HIF1A: variants seen among roughly 807,000 people sequenced by gnomAD.
The protein encoded by HIF1A is hypoxia-inducible factor 1-alpha.
In HIF1A, 24 loss-of-function variants were observed where a neutral mutation model predicts 92.7. The observed-to-expected ratio is 0.26, with a 90% CI of 0.19 to 0.36. The LOEUF (loss-of-function observed/expected upper bound fraction) is 0.36, where lower values mean the gene tolerates loss of function less well. Ranked by LOEUF, HIF1A falls within the 10% of genes least tolerant of loss-of-function variation. The probability of loss-of-function intolerance (pLI) is 1.00; values close to 1 mark genes in which losing one functional copy is unlikely to be tolerated. For synonymous variants in HIF1A, 319 were observed against 338.7 expected, an observed-to-expected ratio of 0.94 and a Z score of 0.64; for missense variants, 799 against 998.5, an observed-to-expected ratio of 0.80 and a Z score of 2.69.
chr14:61,697,855 G>A, intron 1 of HIF1A: 1 of 1,510,474 alleles, frequency 6.6e-7, no homozygotes, highest in South Asian at 1.3e-5. Context: ...TTTTAAATGA[G>A]CTCCCAATGT....
chr14:61,727,585 A>C lies in HIF1A; in HGVS notation c.703A>C (p.Ile235Leu). Reference sequence around the variant, plus strand: ...CATTCCTCACCCATCAAATATTGAAATTCCTTTAGATAGCAAGACTTTCCT... The same window carrying C: ...CATTCCTCACCCATCAAATATTGAACTTCCTTTAGATAGCAAGACTTTCCT... ...EPIPHPSNIEIPLDSKTFLSR... is the reference protein window; with the variant it reads ...EPIPHPSNIELPLDSKTFLSR... The change falls in exon 6 of 15, where the codon ATT becomes CTT. Residue 235 changes from isoleucine (I) to leucine (L), a missense_variant. Ile to Leu is a conservative substitution (Grantham distance 5). Around this residue, in one of 2 missense-constraint regions of HIF1A, gnomAD observed 516 missense variants for 721.0 expected, o/e 0.72. Coordinates refer to ENST00000337138, the MANE Select transcript of HIF1A (RefSeq NM_001530.4). 6.2e-7 allele frequency: 1 copy of C among 1,613,926 alleles called. No individual in the cohort carries two copies. The highest frequency in any genetic ancestry group is 8.5e-7 in the Non-Finnish European group (1 of 1,179,818).
intron 10 of HIF1A, among the ~76,000 whole-genome samples, chr14:61,738,826 T>A (rs1202142299): frequency 6.6e-6 from 1 of 152,098 alleles, no homozygotes; most frequent in Non-Finnish European, 1.5e-5. Context: ...AGCCTCAACC[T>A]CCCAGGCTCA....
chr14:61,746,561 A>G (rs1011490631), intron 14 of HIF1A, among the ~76,000 whole-genome samples: 1 of 150,870 alleles, frequency 6.6e-6, no homozygotes, highest in Non-Finnish European at 1.5e-5. Context: ...GCCTCACCAC[A>G]CCCGGTTGCT....
intron 6 of HIF1A, among the ~76,000 whole-genome samples, chr14:61,730,465 T>C (rs1164043153): frequency 3.3e-5 from 5 of 152,210 alleles, no homozygotes; most frequent in African/African-American, 1.2e-4. Flanking sequence ...TACCTACTTC[T>C]TCAGCATCAT....
chr14:61,710,764 T>A (rs1054749381), intron 1 of HIF1A, among the ~76,000 whole-genome samples: 2 of 151,816 alleles, frequency 1.3e-5, no homozygotes, highest in Non-Finnish European at 2.9e-5. Flanking sequence ...TAACCCTCCT[T>A]AAAAAAACAA....
intron 4 of HIF1A, among the ~76,000 whole-genome samples, chr14:61,725,288 C>T (rs893291754): frequency 6.6e-6 from 1 of 152,134 alleles, no homozygotes; most frequent in Non-Finnish European, 1.5e-5. Flanking sequence ...GGAAAGGTGG[C>T]GTATCTTACT....
At position 61,734,231 on chromosome 14, in the gene HIF1A, A is replaced by G. The variant is rs764016802; in HGVS notation, c.974A>G (p.Tyr325Cys). The G allele has an allele frequency of 4.3e-6, 7 of 1,613,108 alleles. No individual in the cohort carries two copies. Among genetic ancestry groups the G allele is most frequent in the East Asian group, 2.2e-5 (1 of 44,868 alleles). Residue 325 changes from tyrosine (Y) to cysteine (C), a missense_variant, in exon 8 of 15, where the codon TAT becomes TGT. Coordinates refer to ENST00000337138, the MANE Select transcript of HIF1A (RefSeq NM_001530.4). ...VWVETQATVI[Y>C]NTKNSQPQCI... ...GTTGAAACTCAAGCAACTGTCATAT[A>G]TAACACCAAGAATTCTCAACCACAG... is the stretch of plus-strand genomic sequence containing the variant.
Position 61,737,856 on chromosome 14 carries a change from G to A in HIF1A, c.1250-231G>A, listed in dbSNP as rs1293159493. ...AGCCTGGCCACCATGGTGAAACCCCGTCTCTACCAAAAATACAAAAGTTAG... is the reference window on the plus strand; with the variant it reads ...AGCCTGGCCACCATGGTGAAACCCCATCTCTACCAAAAATACAAAAGTTAG... On this transcript the variant is annotated intron_variant, in intron 9 of 14. Transcript: ENST00000337138. Among the ~76,000 whole-genome samples the A allele has an allele frequency of 7.9e-5, 12 of 151,950 alleles. No homozygotes were observed. In the South Asian group the frequency reaches 1.7e-3, roughly 21 times the overall value.
At chr14:61,710,211 C>T (rs1239768228) in intron 1 of HIF1A, among the ~76,000 whole-genome samples, 1 of 152,018 alleles carries the variant, frequency 6.6e-6, no homozygotes, top group Admixed American at 6.6e-5. Flanking sequence ...TGCTTTTATC[C>T]TGAAATTTTG....
chr14:61,735,004 C>T (rs2044618995), intron 8 of HIF1A, among the ~76,000 whole-genome samples: 1 of 152,160 alleles, frequency 6.6e-6, no homozygotes, highest in Non-Finnish European at 1.5e-5. Flanking sequence ...AGCTCTTTGG[C>T]TTGTGAATAT....
intron 6 of HIF1A, among the ~76,000 whole-genome samples, chr14:61,727,990 G>A (rs2044527792): frequency 6.9e-6 from 1 of 145,644 alleles, no homozygotes; most frequent in South Asian, 2.2e-4. Context: ...CACACTGCAA[G>A]CCTGGATGAC....
chr14:61,700,485 T>G (rs2044165686), intron 1 of HIF1A, among the ~76,000 whole-genome samples: 1 of 152,228 alleles, frequency 6.6e-6, no homozygotes, highest in Non-Finnish European at 1.5e-5. Context: ...CAGAATTTCC[T>G]TCCTTTTTGA....
chr14:61,705,981 TTTA>T (rs2044235714), intron 1 of HIF1A, among the ~76,000 whole-genome samples: 1 of 152,056 alleles, frequency 6.6e-6, no homozygotes, highest in East Asian at 1.9e-4. Context: ...ATGTAAGTAC[TTTA>T]TTATTATTTA....
At chr14:61,730,866 TA>T (rs1290522100) in intron 6 of HIF1A, among the ~76,000 whole-genome samples, 6 of 152,204 alleles carry the variant, frequency 3.9e-5, no homozygotes, top group Non-Finnish European at 5.9e-5. Flanking sequence ...CAGAAAAATA[TA>T]AGACCAATTA....
In HIF1A at chr14:61,695,555, C is replaced by T. The variant is rs560370187; in HGVS notation, c.-250C>T. 3.0e-4 allele frequency: 174 copies of T among 580,592 alleles called. No homozygotes were observed. The highest frequency in any genetic ancestry group is 4.8e-4 in the Non-Finnish European group (158 of 327,730). 36.0% of individuals were successfully genotyped at this position (580,592 alleles called of 1,614,324 possible). Reference sequence around the variant, plus strand: ...CGTCTGAGGGGACAGGAGGATCACCCTCTTCGTCGCTTCGGCCAGTGTGTC... The same window carrying T: ...CGTCTGAGGGGACAGGAGGATCACCTTCTTCGTCGCTTCGGCCAGTGTGTC... On this transcript the variant is annotated 5_prime_UTR_variant, in exon 1 of 15. Transcript: ENST00000337138.
At chr14:61,717,943 C>G (rs994769767) in intron 1 of HIF1A, among the ~76,000 whole-genome samples, 2 of 151,322 alleles carry the variant, frequency 1.3e-5, no homozygotes, top group South Asian at 4.2e-4. Context: ...ATTGCTTGAA[C>G]CTGGGAAGTG....
At chr14:61,717,683 G>A (rs541658288) in intron 1 of HIF1A, among the ~76,000 whole-genome samples, 1 of 152,148 alleles carries the variant, frequency 6.6e-6, no homozygotes, top group Non-Finnish European at 1.5e-5. Context: ...TGGACGATAC[G>A]TGTATTACAG....
In HIF1A at chr14:61,746,933, G is replaced by A; in HGVS notation, c.2330-1G>A. On this transcript the variant is annotated splice_acceptor_variant, in intron 14 of 14. Coordinates refer to ENST00000337138, the MANE Select transcript of HIF1A (RefSeq NM_001530.4). LOFTEE classifies it high-confidence loss of function. ...ACTTAGGTATCTCTTTTGTTTTTCA[G>A]ATTTAGCATGTAGACTGCTGGGGCA... is the stretch of plus-strand genomic sequence containing the variant. 2 of 1,596,256 alleles carry A rather than the reference G, an allele frequency of 1.3e-6. No individual in the cohort carries two copies.
intron 1 of HIF1A, among the ~76,000 whole-genome samples, chr14:61,710,468 CAT>C (rs1166712133): frequency 2.6e-5 from 4 of 152,110 alleles, no homozygotes; most frequent in Admixed American, 1.3e-4. Flanking sequence ...CATTCTCTAA[CAT>C]GTGGGTATCC....
Sources: allele counts gnomAD v4.1 joint callset (sites outside exome capture counted in the v4.1 genomes callset), GRCh38; gene constraint gnomAD v4.1.1; regional missense constraint gnomAD v4.1.1; transcripts MANE v1.5; gene names NCBI Gene and HGNC (gene_info 2026-07-23, HGNC 2026-07-21).